Variants in KIRREL1 observed in about 807,000 individuals in gnomAD.
KIRREL1 encodes kin of IRRE-like protein 1.
Under a neutral mutation model 83.3 loss-of-function variants are expected in KIRREL1, and 25 were observed. The observed-to-expected ratio is 0.30, with a 90% confidence interval of 0.22 to 0.42. The LOEUF is 0.42. Among genes scored for constraint, KIRREL1 ranks in the 10% least tolerant of loss-of-function variants. The pLI is 1.00. For synonymous variants in KIRREL1, 388 were observed against 410.4 expected (o/e 0.95, Z 0.66); for missense variants, 812 against 1,032.3 (o/e 0.79, Z 2.92).
chr1:158,072,851 G>C (rs893546400), intron 1 of KIRREL1, among the ~76,000 whole-genome samples: 10 of 135,860 alleles, frequency 7.4e-5, no homozygotes, highest in African/African-American at 2.7e-4. Context: ...TGCAGGCCTC[G>C]GACAGGGCAT....
intron 1 of KIRREL1, among the ~76,000 whole-genome samples, chr1:158,060,882 G>T (rs895609232): frequency 6.6e-6 from 1 of 152,106 alleles, no homozygotes. Flanking sequence ...GCACATTTAG[G>T]GGGTGGCTGG....
At chr1:158,071,997 A>G (rs1661529245) in intron 1 of KIRREL1, among the ~76,000 whole-genome samples, 1 of 151,874 alleles carries the variant, frequency 6.6e-6, no homozygotes, top group African/African-American at 2.4e-5. Flanking sequence ...CGAGGCCTGC[A>G]CCTCACTGCT....
Position 157,993,682 on chromosome 1 carries a change from G to T in KIRREL1, c.6G>T (p.Leu2=). 6.7e-7 allele frequency: 1 copy of T among 1,489,984 alleles called. No individual in the cohort carries two copies. Among genetic ancestry groups the T allele is most frequent in the Non-Finnish European group, 8.9e-7 (1 of 1,118,456 alleles). 92.3% of individuals were successfully genotyped at this position (1,489,984 alleles called of 1,614,324 possible). Residue 2 remains leucine, a synonymous_variant, in exon 1 of 15, where the codon CTG becomes CTT. Coordinates refer to ENST00000359209, the MANE Select transcript of KIRREL1 (RefSeq NM_018240.7). M[L]SLLVWILTLS... ...GCGCACGGCGGGCGGACAGCATGCT[G>T]AGCCTCCTCGTCTGGATCCTCACTC...
At chr1:158,061,709 G>C (rs189739177) in intron 1 of KIRREL1, among the ~76,000 whole-genome samples, 1 of 152,334 alleles carries the variant, frequency 6.6e-6, no homozygotes, top group East Asian at 1.9e-4. Context: ...CAGATCAGCA[G>C]AATTTGGGGT....
In KIRREL1 at chr1:158,087,861, G is replaced by A. The variant is rs760042239; in HGVS notation, c.767+1G>A. ...CCAACCCCGAGATCTTGGGCTACAG[G>A]TGAGGGGGTCAGAGGCTGGGAGCGC... is the stretch of plus-strand genomic sequence containing the variant. On this transcript the variant is annotated splice_donor_variant, in intron 6 of 14. Coordinates refer to ENST00000359209, the MANE Select transcript of KIRREL1 (RefSeq NM_018240.7). LOFTEE classifies it high-confidence loss of function. The A allele has an allele frequency of 1.9e-6, 3 of 1,613,646 alleles. No individual in the cohort carries two copies. The highest frequency in any genetic ancestry group is 1.7e-6 in the Non-Finnish European group (2 of 1,179,646).
intron 1 of KIRREL1, among the ~76,000 whole-genome samples, chr1:158,066,682 G>A (rs924466912): frequency 1.3e-5 from 2 of 152,122 alleles, no homozygotes; most frequent in South Asian, 2.1e-4. Flanking sequence ...GAGGCTCCCC[G>A]TCCCTTTCTG....
In KIRREL1 at chr1:158,053,251, C is replaced by T. The variant is rs1423907993; in HGVS notation, c.53-22862C>T. The stretch of plus-strand genomic sequence containing the variant: ...TACTTCCTGTCTCCATCCCCCAGTA[C>T]AGCACCTGACACACAGTAGGGTGCA... On this transcript the variant is annotated intron_variant, in intron 1 of 14. Transcript: ENST00000359209. 2.0e-5 allele frequency among the ~76,000 whole-genome samples: 3 copies of T among 152,196 alleles called. No individual in the cohort carries two copies. In the South Asian group the frequency reaches 6.2e-4, roughly 32 times the overall value.
chr1:158,072,996 G>A (rs1661562131), intron 1 of KIRREL1, among the ~76,000 whole-genome samples: 1 of 152,268 alleles, frequency 6.6e-6, no homozygotes, highest in African/African-American at 2.4e-5. Context: ...TAGCATCTGG[G>A]TACAGATCAG....
At chr1:158,036,518 G>A (rs1403284958) in intron 1 of KIRREL1, among the ~76,000 whole-genome samples, 1 of 152,180 alleles carries the variant, frequency 6.6e-6, no homozygotes. Flanking sequence ...AGAGCAATTC[G>A]AGAGGGCTTC....
intron 11 of KIRREL1, 66 bp downstream of exon 11, chr1:158,091,622 T>A: frequency 6.7e-7 from 1 of 1,489,304 alleles, no homozygotes. Flanking sequence ...CCTTCTTTTC[T>A]CCAGGGGCAG....
In KIRREL1 at chr1:158,093,261, T is replaced by C. The variant is rs558909231; in HGVS notation, c.1472-78T>C. The C allele has an allele frequency of 5.7e-6, 7 of 1,235,440 alleles. 1 individual carries two copies. Among genetic ancestry groups the C allele is most frequent in the Admixed American group, 5.1e-5 (3 of 58,616 alleles). The allele number at this position is 1,235,440 out of a possible 1,614,324, so 76.5% of individuals were successfully genotyped here. A position where few individuals can be genotyped will look rare whatever the true frequency, so the allele number is the denominator to read the frequency against. ...CAAGGTTGCCTCTGTGGCTGTGGCC[T>C]AGCCTTTAGCCAGCACTGAGCTTAG... On this transcript the variant is annotated intron_variant, in intron 11 of 14. Coordinates refer to ENST00000359209, the MANE Select transcript of KIRREL1 (RefSeq NM_018240.7).
chr1:158,025,815 C>T (rs1660152671), intron 1 of KIRREL1: 1 of 151,604 alleles, frequency 6.6e-6, no homozygotes, highest in Non-Finnish European at 1.5e-5. Context: ...CTCTTCTTTC[C>T]CACTCCCCAG....
chr1:158,052,930 AAG>A (rs1391291292), intron 1 of KIRREL1, among the ~76,000 whole-genome samples: 1 of 152,132 alleles, frequency 6.6e-6, no homozygotes, highest in African/African-American at 2.4e-5. Flanking sequence ...GAGAGGGAGC[AAG>A]AGAGAGAGGA....
At chr1:158,011,135 T>C (rs1659675786) in intron 1 of KIRREL1, among the ~76,000 whole-genome samples, 1 of 152,174 alleles carries the variant, frequency 6.6e-6, no homozygotes, top group Admixed American at 6.5e-5. Context: ...CATGACCTCC[T>C]GTGTCTGACT....
intron 1 of KIRREL1, among the ~76,000 whole-genome samples, chr1:158,010,800 A>T (rs1265213667): frequency 2.6e-5 from 4 of 152,052 alleles, no homozygotes; most frequent in Non-Finnish European, 5.9e-5. Flanking sequence ...ACTGGTGTGT[A>T]CTGGGAATCA....
intron 3 of KIRREL1, among the ~76,000 whole-genome samples, chr1:158,081,671 C>T (rs1176849612): frequency 6.6e-6 from 1 of 152,180 alleles, no homozygotes; most frequent in Non-Finnish European, 1.5e-5. Flanking sequence ...ACAGCTGGCT[C>T]AGCAGGCACC....
At chr1:157,999,244 A>G (rs1659290289) in intron 1 of KIRREL1, among the ~76,000 whole-genome samples, 1 of 152,196 alleles carries the variant, frequency 6.6e-6, no homozygotes, top group Non-Finnish European at 1.5e-5. Flanking sequence ...GTCAGGATAC[A>G]TGTTTTAATC....
intron 1 of KIRREL1, among the ~76,000 whole-genome samples, chr1:158,069,150 C>T (rs962857550): frequency 1.3e-5 from 2 of 152,122 alleles, no homozygotes; most frequent in Non-Finnish European, 2.9e-5. Context: ...CATCAGGGCA[C>T]GTGTGCAGAG....
intron 1 of KIRREL1, among the ~76,000 whole-genome samples, chr1:158,033,031 A>G (rs573155770): frequency 8.0e-4 from 122 of 151,958 alleles, no homozygotes; most frequent in African/African-American, 2.8e-3. Context: ...TCAGCCTCCC[A>G]AAGTGCTGGG....
Sources: allele counts gnomAD v4.1 joint callset (sites outside exome capture counted in the v4.1 genomes callset), GRCh38; gene constraint gnomAD v4.1.1; transcripts MANE v1.5; gene names NCBI Gene and HGNC (gene_info 2026-07-23, HGNC 2026-07-21).